The following GMDS variants were observed in gnomAD, a reference collection of about 807,000 sequenced individuals.
GMDS encodes GDP-mannose 4,6 dehydratase.
GMDS carries 20 observed loss-of-function variants against 49.9 expected under a neutral mutation model. The ratio of observed to expected loss-of-function variants is 0.40; its 90% CI spans 0.28 to 0.58. GMDS has a LOEUF of 0.58. Among genes scored for constraint, GMDS ranks in the 20% least tolerant of loss-of-function variants. The probability of loss-of-function intolerance (pLI) is 0.42; values close to 1 mark genes in which losing one functional copy is unlikely to be tolerated. For missense variants in GMDS, 362 were observed against 481.4 expected (o/e 0.75, Z 2.32); for synonymous variants, 177 against 178.6 (o/e 0.99, Z 0.07).
chr6:1,911,698 C>T (rs1433699678), intron 7 of GMDS, among the ~76,000 whole-genome samples: 1 of 152,160 alleles, frequency 6.6e-6, no homozygotes. Flanking sequence ...ATAATAACGG[C>T]ATGAACCATT....
At chr6:2,184,896 C>T (rs972616579) in intron 1 of GMDS, among the ~76,000 whole-genome samples, 1 of 152,140 alleles carries the variant, frequency 6.6e-6, no homozygotes, top group Non-Finnish European at 1.5e-5. Context: ...AGTGTGCCAC[C>T]AAGCTAATTC....
intron 4 of GMDS, among the ~76,000 whole-genome samples, chr6:1,992,873 T>C (rs1272702058): frequency 6.6e-6 from 1 of 152,222 alleles, no homozygotes; most frequent in African/African-American, 2.4e-5. Context: ...CTACAGGAGA[T>C]GAACAGGCTT....
At chr6:1,879,557 T>C (rs1012359642) in intron 7 of GMDS, among the ~76,000 whole-genome samples, 2 of 152,150 alleles carry the variant, frequency 1.3e-5, no homozygotes, top group African/African-American at 4.8e-5. Context: ...CAGAAACCTA[T>C]TCTTATTTCT....
rs1283902843 is a variant in GMDS at position 1,912,073 on chromosome 6, TAAGTG to T, written c.771+18025_771+18029del. ...ATCGACCATTTCTGATCACTAAAAATAAGTGATCTTGGCTGGGCATGGTGGCTCAC... is the reference window on the plus strand; with the variant it reads ...ATCGACCATTTCTGATCACTAAAAATATCTTGGCTGGGCATGGTGGCTCAC... On this transcript the variant is annotated intron_variant, in intron 7 of 10. Transcript: ENST00000380815. Among the ~76,000 whole-genome samples the T allele has an allele frequency of 2.0e-5, 3 of 152,308 alleles. No homozygotes were observed. The East Asian group carries it at 5.8e-4, about 29-fold the overall frequency.
Position 1,836,701 on chromosome 6 carries a change from T to C in GMDS, c.771+93402A>G, listed in dbSNP as rs1325435110. On this transcript the variant is annotated intron_variant, in intron 7 of 10. Coordinates refer to ENST00000380815, the MANE Select transcript of GMDS (RefSeq NM_001500.4). This position sits in a 1 kb window ranked among gnomAD's most constrained non-coding sequence, Gnocchi z 4.2. ...ATGTGTTTCTTCACTGAATTTCGTA[T>C]GGTTTCCCCTCTTCTTCTTATAAAA... Among the ~76,000 whole-genome samples the C allele has an allele frequency of 1.3e-5, 2 of 152,226 alleles. No homozygotes were observed. The highest frequency in any genetic ancestry group is 6.5e-5 in the Admixed American group (1 of 15,280).
At chr6:1,970,278 T>C (rs1013040690) in intron 4 of GMDS, among the ~76,000 whole-genome samples, 1 of 152,222 alleles carries the variant, frequency 6.6e-6, no homozygotes, top group Non-Finnish European at 1.5e-5. Context: ...GTTTACTGCT[T>C]CTCTGTAAGT....
At chr6:2,073,925 A>T (rs1238086984) in intron 4 of GMDS, among the ~76,000 whole-genome samples, 1 of 152,162 alleles carries the variant, frequency 6.6e-6, no homozygotes, top group Non-Finnish European at 1.5e-5. Context: ...ATGAACAGTT[A>T]GGTTGATTCC....
chr6:1,742,676 A>C, intron 7 of GMDS, 90 bp from the exon 8 acceptor site: 1 of 684,954 alleles, frequency 1.5e-6, no homozygotes, highest in Non-Finnish European at 2.6e-6. Flanking sequence ...ATGGACATCG[A>C]CAGCTGGAAC....
intron 6 of GMDS, among the ~76,000 whole-genome samples, chr6:1,956,330 A>T (rs1268715862): frequency 2.0e-5 from 3 of 152,192 alleles, no homozygotes; most frequent in African/African-American, 7.2e-5. Context: ...ATAAAACTTT[A>T]TTTTCAAAAC....
chr6:1,884,648 G>GTCA (rs1759515721), intron 7 of GMDS, among the ~76,000 whole-genome samples: 1 of 152,236 alleles, frequency 6.6e-6, no homozygotes, highest in Admixed American at 6.5e-5. Context: ...TCACATTAGT[G>GTCA]TCATGCTCAT....
At chr6:1,792,877 T>C (rs1003220084) in intron 7 of GMDS, among the ~76,000 whole-genome samples, 5 of 152,180 alleles carry the variant, frequency 3.3e-5, no homozygotes, top group Non-Finnish European at 7.4e-5. Context: ...CAGTATTTGG[T>C]GTGGGTCTTT....
chr6:1,842,528 C>T (rs12192948), intron 7 of GMDS, among the ~76,000 whole-genome samples: 44,038 of 152,182 alleles, frequency 0.29, 6,338 homozygotes, highest in Middle Eastern at 0.37. Context: ...AGCCGACTTA[C>T]AGCCACAGCA....
chr6:2,174,774 G>A (rs1421380261), intron 1 of GMDS, among the ~76,000 whole-genome samples: 1 of 151,990 alleles, frequency 6.6e-6, no homozygotes, highest in Non-Finnish European at 1.5e-5. Context: ...GCACCATGTT[G>A]GCCAGGCTGA....
chr6:1,892,445 C>T (rs530521652), intron 7 of GMDS, among the ~76,000 whole-genome samples: 7 of 152,250 alleles, frequency 4.6e-5, no homozygotes, highest in Admixed American at 1.3e-4. Flanking sequence ...CTGCAACCTC[C>T]ACTACCCAGG....
At position 1,770,139 on chromosome 6, in the gene GMDS, G is replaced by A. The variant is rs534585406; in HGVS notation, c.772-27553C>T. On this transcript the variant is annotated intron_variant, in intron 7 of 10. Coordinates refer to ENST00000380815, the MANE Select transcript of GMDS (RefSeq NM_001500.4). ...AAAGCACTTATTATTAACTTTACTT[G>A]AGTCATGGACTCCTTTGAGAATCTG... is the stretch of plus-strand genomic sequence containing the variant. 7.2e-5 allele frequency among the ~76,000 whole-genome samples: 11 copies of A among 152,266 alleles called. No homozygotes were observed. The East Asian group carries it at 1.5e-3, about 21-fold the overall frequency.
intron 7 of GMDS, among the ~76,000 whole-genome samples, chr6:1,780,305 C>A (rs1039049723): frequency 6.6e-6 from 1 of 152,214 alleles, no homozygotes; most frequent in Admixed American, 6.5e-5. Context: ...AATGATGATA[C>A]TACCATGTAG....
chr6:1,966,372 GAAAA>G (rs11377438), intron 4 of GMDS, among the ~76,000 whole-genome samples: 1 of 142,126 alleles, frequency 7.0e-6, no homozygotes, highest in African/African-American at 2.6e-5. Context: ...TCAGACTGAT[GAAAA>G]AAAAAAAAAA....
intron 4 of GMDS, among the ~76,000 whole-genome samples, chr6:2,059,574 A>G (rs970844318): frequency 4.8e-5 from 7 of 146,312 alleles, no homozygotes; most frequent in East Asian, 2.0e-4. Flanking sequence ...CGGGCGTGGT[A>G]GCGGGCGCCT....
intron 4 of GMDS, among the ~76,000 whole-genome samples, chr6:2,108,840 T>C (rs1049168023): frequency 1.3e-5 from 2 of 152,212 alleles, no homozygotes; most frequent in Admixed American, 1.3e-4. Context: ...GAACCGCACG[T>C]CCAGGTGGGC....
Sources: allele counts gnomAD v4.1 joint callset (sites outside exome capture counted in the v4.1 genomes callset), GRCh38; gene constraint gnomAD v4.1.1; non-coding constraint Gnocchi (gnomAD v3.1); transcripts MANE v1.5; gene names NCBI Gene and HGNC (gene_info 2026-07-23, HGNC 2026-07-21).